The following ITGAD variants were observed in gnomAD, a reference collection of about 807,000 sequenced individuals.
ITGAD encodes the protein integrin alpha-D.
A neutral mutation model predicts 139.0 loss-of-function variants in ITGAD; 105 were observed. That is an observed-to-expected ratio of 0.76 (90% confidence interval 0.65 to 0.89). ITGAD has a LOEUF of 0.89. Among genes scored for constraint, ITGAD ranks in the 40% least tolerant of loss-of-function variants. The probability of loss-of-function intolerance (pLI) is 0.00; values close to 1 mark genes in which losing one functional copy is unlikely to be tolerated. For synonymous variants in ITGAD, 569 were observed against 598.3 expected (o/e 0.95, Z 0.71); for missense variants, 1,384 against 1,487.3 (o/e 0.93, Z 1.14).
intron 19 of ITGAD, 21 bp downstream of exon 19, chr16:31,416,307 T>C: frequency 6.3e-7 from 1 of 1,586,248 alleles, no homozygotes; most frequent in Non-Finnish European, 8.6e-7. Flanking sequence ...ACTCCCTTCA[T>C]ATCCAGACAC....
chr16:31,403,899 A>C lies in ITGAD; in HGVS notation c.704+254A>C. The C allele has an allele frequency of 2.1e-6, 1 of 471,832 alleles. No individual in the cohort carries two copies. Among genetic ancestry groups the C allele is most frequent in the Non-Finnish European group, 3.8e-6 (1 of 260,012 alleles). The allele number at this position is 471,832 out of a possible 1,614,324, so 29.2% of individuals were successfully genotyped here. On this transcript the variant is annotated intron_variant, in intron 7 of 29. Transcript: ENST00000389202. This position sits in a 1 kb window ranked among gnomAD's most constrained non-coding sequence, Gnocchi z 4.4. Reference sequence around the variant, plus strand: ...GGTTCTGCAGAGCCTGGACCCCAGGACCCCTCCCCACCCCACAGCAGCCAG... The same window carrying C: ...GGTTCTGCAGAGCCTGGACCCCAGGCCCCCTCCCCACCCCACAGCAGCCAG...
chr16:31,413,635 C>T (rs546874482), intron 16 of ITGAD, among the ~76,000 whole-genome samples: 7 of 152,314 alleles, frequency 4.6e-5, no homozygotes, highest in Admixed American at 1.3e-4. Flanking sequence ...CTGCGTAACC[C>T]GCCTTGCATT....
chr16:31,418,084 C>T lies in ITGAD; in HGVS notation c.2509C>T (p.His837Tyr). Reference protein sequence around the residue: ...RRVSGAQKQPHQSALRLACET... With the variant: ...RRVSGAQKQPYQSALRLACET... Reference sequence around the variant, plus strand: ...CATTCTCCTCCCCTAGAAGCAGCCCCATCAGAGTGCCCTGCGCCTGGCATG... The same window carrying T: ...CATTCTCCTCCCCTAGAAGCAGCCCTATCAGAGTGCCCTGCGCCTGGCATG... The change falls in exon 21 of 30, where the codon CAT (histidine) becomes TAT (tyrosine). Residue 837 changes from histidine to tyrosine, a missense_variant. Transcript: ENST00000389202. 1 of 1,614,028 alleles carries T rather than the reference C, an allele frequency of 6.2e-7. No homozygotes were observed. Among genetic ancestry groups the T allele is most frequent in the Non-Finnish European group, 8.5e-7 (1 of 1,179,920 alleles).
At chr16:31,405,756 C>T (rs963692651) in intron 7 of ITGAD, among the ~76,000 whole-genome samples, 1 of 151,054 alleles carries the variant, frequency 6.6e-6, no homozygotes, top group Admixed American at 6.6e-5. Context: ...ATCCTCCTGA[C>T]TCAGCCTCCC....
rs756714354 is a variant in ITGAD at position 31,402,189 on chromosome 16, C to A, written c.502C>A (p.Gln168Lys). The change falls in exon 6 of 30, where the codon CAG (glutamine) becomes AAG (lysine). Residue 168 changes from glutamine to lysine, a missense_variant. Coordinates refer to ENST00000389202, the MANE Select transcript of ITGAD (RefSeq NM_005353.3). ...SGSIDQNDFN[Q>K]MKGFVQAVMG... ...AAGCATTGACCAAAATGACTTTAAC[C>A]AGATGAAGGGCTTTGTCCAAGCTGT... The A allele has an allele frequency of 1.4e-5, 22 of 1,612,690 alleles. No homozygotes were observed. The highest frequency in any genetic ancestry group is 1.4e-5 in the Non-Finnish European group (16 of 1,179,494).
In ITGAD at chr16:31,423,914, G is replaced by T. The variant is rs768585735; in HGVS notation, c.3115G>T (p.Asp1039Tyr). 1.2e-6 allele frequency: 2 copies of T among 1,614,226 alleles called. No homozygotes were observed. Among genetic ancestry groups the T allele is most frequent in the Non-Finnish European group, 1.7e-6 (2 of 1,180,048 alleles). The part of the protein sequence containing the change: ...VPSFSVQEEL[D>Y]FTLKGNLSFG... ...CTCCTTCAGCGTCCAGGAGGAGCTG[G>T]ATTTCACCCTGAAGGGCAATCTCAG... is the stretch of plus-strand genomic sequence containing the variant. Residue 1039 changes from aspartate to tyrosine, a missense_variant, in exon 27 of 30, where the codon GAT becomes TAT. Asp to Tyr is a radical substitution (Grantham distance 160, BLOSUM62 -3). Transcript: ENST00000389202.
intron 23 of ITGAD, among the ~76,000 whole-genome samples, chr16:31,422,583 C>T (rs924462687): frequency 6.6e-6 from 1 of 152,154 alleles, no homozygotes; most frequent in African/African-American, 2.4e-5. Flanking sequence ...GTAAGCATTA[C>T]CAGAGGCCAA....
At position 31,411,340 on chromosome 16, in the gene ITGAD, T is replaced by C; in HGVS notation, c.1530T>C (p.Arg510=). The C allele has an allele frequency of 1.2e-6, 2 of 1,613,758 alleles. No individual in the cohort carries two copies. The highest frequency in any genetic ancestry group is 1.1e-5 in the South Asian group (1 of 91,066). The change falls in exon 14 of 30, where the codon CGT becomes CGC. Residue 510 remains arginine, a synonymous_variant. Transcript: ENST00000389202. ...RVQWQCDAVL[R]GEQGHPWGRF... is the part of the protein sequence containing the mutation. ...AGTGGCAGTGTGACGCTGTTCTCCG[T>C]GGTGAGCAGGGCCACCCCTGGGGCC...
intron 2 of ITGAD, among the ~76,000 whole-genome samples, chr16:31,395,096 C>T (rs1305530870): frequency 6.6e-6 from 1 of 152,172 alleles, no homozygotes; most frequent in Non-Finnish European, 1.5e-5. Context: ...GCGGGCAGAT[C>T]ATCTGAGGCC....
chr16:31,418,238 A>G lies in ITGAD; in HGVS notation c.2616+47A>G, dbSNP rs764959805. 4 of 1,605,546 alleles carry G rather than the reference A, an allele frequency of 2.5e-6. No individual in the cohort carries two copies. The South Asian group carries it at 3.3e-5, about 13-fold the overall frequency. On this transcript the variant is annotated intron_variant, in intron 21 of 29. Coordinates refer to ENST00000389202, the MANE Select transcript of ITGAD (RefSeq NM_005353.3). Reference sequence around the variant, plus strand: ...CCCATCACTGTCCTCCCTTGTCCCAATCTGTCCCTCACTCTGCCATGCCCT... The same window carrying G: ...CCCATCACTGTCCTCCCTTGTCCCAGTCTGTCCCTCACTCTGCCATGCCCT...
chr16:31,414,498 C>T lies in ITGAD; in HGVS notation c.2044C>T (p.Arg682Cys), dbSNP rs752273171. 14 of 1,614,194 alleles carry T rather than the reference C, an allele frequency of 8.7e-6. No individual in the cohort carries two copies. The highest frequency in any genetic ancestry group is 1.1e-5 in the Non-Finnish European group (13 of 1,180,026). Residue 682 changes from arginine (R) to cysteine (C), a missense_variant, in exon 17 of 30, where the codon CGT (arginine) becomes TGT (cysteine). Transcript: ENST00000389202. Reference sequence around the variant, plus strand: ...GTTTGATCTGGCACTGGACCCAGGTCGTCTGACTTCTCGTGCCATTTTCAA... The same window carrying T: ...GTTTGATCTGGCACTGGACCCAGGTTGTCTGACTTCTCGTGCCATTTTCAA... ...VRFDLALDPG[R>C]LTSRAIFNET...
chr16:31,394,141 A>AAG, intron 1 of ITGAD, 95 bp from the exon 2 acceptor site: 1 of 686,258 alleles, frequency 1.5e-6, no homozygotes. Flanking sequence ...AAAAAAAAAA[A>AAG]AAAAAAAAAG....
Position 31,423,202 on chromosome 16 carries a change from T to C in ITGAD, c.2859+10T>C. The C allele has an allele frequency of 6.2e-7, 1 of 1,612,300 alleles. No individual in the cohort carries two copies. The highest frequency in any genetic ancestry group is 8.5e-7 in the Non-Finnish European group (1 of 1,178,282). On this transcript the variant is annotated intron_variant, in intron 24 of 29. Coordinates refer to ENST00000389202, the MANE Select transcript of ITGAD (RefSeq NM_005353.3). ...TGAGCATCGATACCGTGTGAGAGTC[T>C]AGGGAGTATCCATGTCTGCCTTCCA... is the stretch of plus-strand genomic sequence containing the variant.
chr16:31,422,600 C>T (rs564634764), intron 23 of ITGAD, among the ~76,000 whole-genome samples: 2 of 152,250 alleles, frequency 1.3e-5, no homozygotes, highest in Non-Finnish European at 2.9e-5. Flanking sequence ...CCAAACACTA[C>T]CTATTAGAGA....
rs142324976 is a variant in ITGAD, at chr16:31,397,423, G to C, written c.202G>C (p.Ala68Pro). ...CCAGACGGGACGGCTGTATGACTGC[G>C]CAGCTGCCACCGGCATGTGCCAGCC... ...ANQTGRLYDC[A>P]AATGMCQPIP... Residue 68 changes from alanine to proline, a missense_variant, in exon 3 of 30, where the codon GCA becomes CCA. Ala to Pro is a conservative substitution (Grantham distance 27). Coordinates refer to ENST00000389202, the MANE Select transcript of ITGAD (RefSeq NM_005353.3). The C allele has an allele frequency of 6.2e-7, 1 of 1,602,944 alleles. No homozygotes were observed. Among genetic ancestry groups the C allele is most frequent in the East Asian group, 2.3e-5 (1 of 44,320 alleles).
chr16:31,416,393 C>G (rs1443620828), intron 19 of ITGAD, 107 bp downstream of exon 19: 1 of 1,517,792 alleles, frequency 6.6e-7, no homozygotes, highest in African/African-American at 1.4e-5. Flanking sequence ...GTGATGTTCA[C>G]TGGATTGTTA....
chr16:31,416,698 G>A (rs750062595), intron 20 of ITGAD, 52 bp downstream of exon 20: 10 of 1,549,390 alleles, frequency 6.5e-6, no homozygotes, highest in Non-Finnish European at 8.8e-6. Context: ...CTGCCCTGTA[G>A]CCCCGGGAGT....
chr16:31,419,023 C>A (rs1380146858), intron 23 of ITGAD, among the ~76,000 whole-genome samples: 503 of 89,822 alleles, frequency 5.6e-3, no homozygotes, highest in African/African-American at 6.1e-3. Flanking sequence ...GACTCTGTCT[C>A]AAAAAAAAAA....
At chr16:31,417,870 C>G (rs2081927839) in intron 20 of ITGAD, among the ~76,000 whole-genome samples, 1 of 152,108 alleles carries the variant, frequency 6.6e-6, no homozygotes, top group East Asian at 1.9e-4. Flanking sequence ...TTGCTTGAAC[C>G]CAGGAGGTGG....
Sources: gnomAD v4.1 joint callset for allele counts (sites outside exome capture counted in the v4.1 genomes callset) on GRCh38, gnomAD v4.1.1 for gene constraint, Gnocchi (gnomAD v3.1) non-coding constraint, MANE v1.5 for transcripts, NCBI Gene and HGNC (gene_info 2026-07-23, HGNC 2026-07-21) for gene names.